Variants in LRRC57 observed in about 807,000 individuals in gnomAD.
LRRC57 encodes leucine rich repeat containing 57.
LRRC57 carries 14 observed loss-of-function variants against 23.1 expected under a neutral mutation model. That is an observed-to-expected ratio of 0.61 (90% CI 0.40 to 0.95). LRRC57 has a LOEUF of 0.95. Ranked by LOEUF, LRRC57 falls within the 40% of genes least tolerant of loss-of-function variation. LRRC57 has a pLI of 0.00. For synonymous variants in LRRC57, 106 were observed against 115.2 expected (o/e 0.92, Z 0.51); for missense variants, 236 against 284.4 (o/e 0.83, Z 1.22).
chr15:42,545,300 T>C, intron 4 of LRRC57, 38 bp from the exon 5 acceptor site: 1 of 1,455,132 alleles, frequency 6.9e-7, no homozygotes, highest in Non-Finnish European at 9.3e-7. Flanking sequence ...GGAAAAAGCA[T>C]AAGCACTATA....
chr15:42,548,455 C>G lies in LRRC57; in HGVS notation c.-21G>C. 1 of 1,612,060 alleles carries G rather than the reference C, an allele frequency of 6.2e-7. No homozygotes were observed. Among genetic ancestry groups the G allele is most frequent in the African/African-American group, 1.3e-5 (1 of 75,042 alleles). ...CCCATCCTAGCGCCGCGGCTCAGGT[C>G]CCTGCGGGAAGGAAGCGCTGCTGTC... On this transcript the variant is annotated splice_region_variant and 5_prime_UTR_variant, in exon 2 of 6. Transcript: ENST00000397130.
rs927131555 is a variant in LRRC57 at position 42,540,323 on chromosome 15, C to T, written c.*3760G>A. On this transcript the variant is annotated 3_prime_UTR_variant, in exon 6 of 6. Coordinates refer to ENST00000397130, the MANE Select transcript of LRRC57 (RefSeq NM_153260.3). ...TTGAGCGGGAAAATGCCTCAAATTTCTAAAAAACAAAACCTTAATTTAGCA... is the reference window on the plus strand; with the variant it reads ...TTGAGCGGGAAAATGCCTCAAATTTTTAAAAAACAAAACCTTAATTTAGCA... 1 of 151,914 alleles carries T rather than the reference C, an allele frequency of 6.6e-6. No homozygotes were observed. Among genetic ancestry groups the T allele is most frequent in the Non-Finnish European group, 1.5e-5 (1 of 68,018 alleles). 9.4% of individuals were successfully genotyped at this position (151,914 alleles called of 1,614,324 possible).
chr15:42,533,293 TACTC>T (rs757255290), downstream of LRRC57, among the ~76,000 whole-genome samples: 6 of 152,240 alleles, frequency 3.9e-5, no homozygotes, highest in Non-Finnish European at 7.3e-5. Flanking sequence ...TTACTAGTCT[TACTC>T]ACTTGAGCTT....
At chr15:42,532,958 T>C (rs1161809355), downstream of LRRC57, 1 of 152,694 alleles carries the variant, frequency 6.5e-6, no homozygotes, top group Non-Finnish European at 1.5e-5. Context: ...ATTTGTCACA[T>C]TTATTTTAAA....
At chr15:42,544,253 G>C in intron 5 of LRRC57, 129 bp from the exon 6 acceptor site, 2 of 689,042 alleles carry the variant, frequency 2.9e-6, no homozygotes, top group Non-Finnish European at 4.8e-6. Flanking sequence ...TATAACTGCT[G>C]TAAATGCAAA....
chr15:42,544,842 C>CACACACACTATATATATATATATA, intron 5 of LRRC57, among the ~76,000 whole-genome samples: 1 of 98,038 alleles, frequency 1.0e-5, no homozygotes, highest in African/African-American at 6.7e-5. Context: ...CACACACACA[C>CACACACACTATATATATATATATA]TATATATATA....
Position 42,543,913 on chromosome 15 carries a change from T to C in LRRC57, c.*170A>G, listed in dbSNP as rs2057643521. On this transcript the variant is annotated 3_prime_UTR_variant, in exon 6 of 6. Transcript: ENST00000397130. ...CCTGATCCTTTTTCTTTTAGCTTAT[T>C]TGAGAAGAGCCCTGAAATGAGAAAA... is the stretch of plus-strand genomic sequence containing the variant. 1 of 520,118 alleles carries C rather than the reference T, an allele frequency of 1.9e-6. No individual in the cohort carries two copies. Among genetic ancestry groups the C allele is most frequent in the South Asian group, 4.4e-5 (1 of 22,476 alleles). 32.2% of individuals were successfully genotyped at this position (520,118 alleles called of 1,614,324 possible). A position where few individuals can be genotyped will look rare whatever the true frequency, so the allele number is the denominator to read the frequency against.
At chr15:42,528,785 C>G in the LRRC57 span, among the ~76,000 whole-genome samples, 1 of 152,074 alleles carries the variant, frequency 6.6e-6, no homozygotes, top group Admixed American at 6.5e-5. Flanking sequence ...AGGGTTTCAC[C>G]ATGTTGACCA....
rs1475432072 is a variant in LRRC57 at position 42,543,467 on chromosome 15, T to G, written c.*616A>C. ...CACCCGCCTTGGCCTCCCAAAGTGC[T>G]GGGATTATAGGCATGAGCCACCATG... On this transcript the variant is annotated 3_prime_UTR_variant, in exon 6 of 6. Transcript: ENST00000397130. The G allele has an allele frequency of 2.0e-5, 3 of 152,292 alleles. No homozygotes were observed. The highest frequency in any genetic ancestry group is 4.8e-5 in the African/African-American group (2 of 41,468). The allele number at this position is 152,292 out of a possible 1,614,324, so 9.4% of individuals were successfully genotyped here.
downstream of LRRC57, among the ~76,000 whole-genome samples, chr15:42,534,671 G>A (rs2057591540): frequency 6.6e-6 from 1 of 152,122 alleles, no homozygotes; most frequent in African/African-American, 2.4e-5. Flanking sequence ...ATGACTCTTT[G>A]ATCCAAGGGC....
downstream of LRRC57, among the ~76,000 whole-genome samples, chr15:42,537,512 A>G (rs1288989245): frequency 6.6e-6 from 1 of 152,226 alleles, no homozygotes; most frequent in Non-Finnish European, 1.5e-5. Context: ...TGGAATTACC[A>G]TACTATCCAG....
Position 42,547,312 on chromosome 15 carries a change from A to G in LRRC57, c.441T>C (p.Pro147=). The G allele has an allele frequency of 6.2e-7, 1 of 1,614,202 alleles. No individual in the cohort carries two copies. The highest frequency in any genetic ancestry group is 8.5e-7 in the Non-Finnish European group (1 of 1,180,040). The part of the protein sequence containing the change: ...DLSKNQIRSI[P]DSVGELQVIE... ...TGACTTGCAGCTCTCCCACTGAGTC[A>G]GGTATACTTCGAATCTGGTTCTTAG... The change falls in exon 4 of 6, where the codon CCT becomes CCC. Residue 147 remains proline, a synonymous_variant. Coordinates refer to ENST00000397130, the MANE Select transcript of LRRC57 (RefSeq NM_153260.3).
chr15:42,547,197 C>T (rs2057662351), intron 4 of LRRC57, 64 bp downstream of exon 4: 1 of 1,523,038 alleles, frequency 6.6e-7, no homozygotes, highest in Admixed American at 1.9e-5. Flanking sequence ...AAGAGGTTAA[C>T]AGGTATCAGG....
chr15:42,535,154 C>T (rs1016278788), downstream of LRRC57, among the ~76,000 whole-genome samples: 5 of 152,238 alleles, frequency 3.3e-5, no homozygotes, highest in African/African-American at 1.2e-4. Context: ...ACTGTAGCCA[C>T]CATCATCATT....
the LRRC57 span, chr15:42,531,424 C>T: frequency 3.2e-6 from 5 of 1,581,544 alleles, no homozygotes; most frequent in Non-Finnish European, 4.3e-6. Context: ...CTGACACCAA[C>T]AGAGATCGTA....
intron 3 of LRRC57, chr15:42,547,859 A>G: frequency 1.8e-6 from 1 of 560,336 alleles, no homozygotes; most frequent in African/African-American, 1.9e-5. Context: ...TTTACATTAC[A>G]TCCCCAAAAT....
chr15:42,544,271 A>G, intron 5 of LRRC57, 147 bp from the exon 6 acceptor site: 1 of 657,096 alleles, frequency 1.5e-6, no homozygotes, highest in Non-Finnish European at 2.6e-6. Flanking sequence ...AAAATGAATT[A>G]CATAGTTTTG....
downstream of LRRC57, among the ~76,000 whole-genome samples, chr15:42,537,470 A>C (rs1302046172): frequency 6.6e-6 from 1 of 152,190 alleles, no homozygotes; most frequent in Non-Finnish European, 1.5e-5. Context: ...ACTATGGAAA[A>C]CAAATATGGA....
At chr15:42,530,245 A>G in the LRRC57 span, among the ~76,000 whole-genome samples, 1 of 152,096 alleles carries the variant, frequency 6.6e-6, no homozygotes. Flanking sequence ...ACATCAGCCT[A>G]TTTTGTTAAC....
Sources: gnomAD v4.1 joint callset for allele counts (sites outside exome capture counted in the v4.1 genomes callset) on GRCh38, gnomAD v4.1.1 for gene constraint, MANE v1.5 for transcripts, NCBI Gene and HGNC (gene_info 2026-07-23, HGNC 2026-07-21) for gene names.